The following GPC6 variants were observed in gnomAD, a reference collection of about 807,000 sequenced individuals.
The protein encoded by GPC6 is glypican-6.
GPC6 carries 14 observed loss-of-function variants against 55.2 expected under a neutral mutation model. The ratio of observed to expected loss-of-function variants is 0.25; its 90% CI spans 0.17 to 0.40. The LOEUF is 0.40. Among genes scored for constraint, GPC6 ranks in the 10% least tolerant of loss-of-function variants. GPC6 has a pLI of 1.00. For synonymous variants in GPC6, 278 were observed against 259.6 expected (o/e 1.07, Z -0.68); for missense variants, 641 against 708.5 (o/e 0.90, Z 1.08).
At chr13:94,392,414 AATTTTTTTTTTT>A (rs1880687582) in intron 7 of GPC6, among the ~76,000 whole-genome samples, 1 of 108,136 alleles carries the variant, frequency 9.2e-6, no homozygotes, top group African/African-American at 3.4e-5. Flanking sequence ...TTCTATTTTT[AATTTTTTTTTTT>A]TTTTTTTTTT....
intron 3 of GPC6, among the ~76,000 whole-genome samples, chr13:93,833,511 G>C (rs995154703): frequency 6.6e-6 from 1 of 152,036 alleles, no homozygotes; most frequent in Non-Finnish European, 1.5e-5. Context: ...AAAACTCAAA[G>C]CAAAATTCCC....
At chr13:93,967,234 G>T (rs1223311699) in intron 3 of GPC6, among the ~76,000 whole-genome samples, 1 of 152,168 alleles carries the variant, frequency 6.6e-6, no homozygotes, top group African/African-American at 2.4e-5. Context: ...TGTAAAGTGT[G>T]ACATTTTCAG....
At chr13:93,270,355 TTA>T (rs1877476678) in intron 1 of GPC6, among the ~76,000 whole-genome samples, 1 of 152,018 alleles carries the variant, frequency 6.6e-6, no homozygotes, top group Non-Finnish European at 1.5e-5. Flanking sequence ...ATATATGAGT[TTA>T]TGTCTATATA....
At chr13:94,126,983 T>A (rs1402673450) in intron 4 of GPC6, among the ~76,000 whole-genome samples, 5 of 152,260 alleles carry the variant, frequency 3.3e-5, no homozygotes, top group African/African-American at 1.2e-4. Context: ...TTTGATTTTT[T>A]TAAATCCTAA....
intron 6 of GPC6, among the ~76,000 whole-genome samples, chr13:94,379,777 T>A (rs1880073863): frequency 6.6e-6 from 1 of 152,176 alleles, no homozygotes; most frequent in South Asian, 2.1e-4. Context: ...CAAATAGGAC[T>A]ATTAGTCACT....
At chr13:93,820,248 A>G (rs1428404373) in intron 2 of GPC6, among the ~76,000 whole-genome samples, 3 of 152,140 alleles carry the variant, frequency 2.0e-5, no homozygotes, top group African/African-American at 4.8e-5. Flanking sequence ...AATTGTCCTG[A>G]ATAATGCATT....
rs201062718 is a variant in GPC6 at position 93,553,528 on chromosome 13, T to TA, written c.319+8115dup. On this transcript the variant is annotated intron_variant, in intron 2 of 8. Transcript: ENST00000377047. ...CCGCATGGTGAAACCCCGTCTCTAC[T>TA]AAAAAAAATACAAAAAATTAGCTGG... Among the ~76,000 whole-genome samples the TA allele has an allele frequency of 1.5e-3, 229 of 150,506 alleles. 1 individual carries two copies. Among genetic ancestry groups the TA allele is most frequent in the African/African-American group, 5.4e-3 (221 of 40,988 alleles).
rs1204797089 is a variant in GPC6 at position 94,359,520 on chromosome 13, A to G, written c.1153-22894A>G. On this transcript the variant is annotated intron_variant, in intron 6 of 8. Coordinates refer to ENST00000377047, the MANE Select transcript of GPC6 (RefSeq NM_005708.5). ...CAGTGTAACCTCACATGCCAGCATGATCATTATACTATGACTTTCCAGTGC... is the reference window on the plus strand; with the variant it reads ...CAGTGTAACCTCACATGCCAGCATGGTCATTATACTATGACTTTCCAGTGC... 2.6e-5 allele frequency among the ~76,000 whole-genome samples: 4 copies of G among 152,340 alleles called. No individual in the cohort carries two copies. In the East Asian group the frequency reaches 7.7e-4, roughly 29 times the overall value.
rs1367685571 is a variant in GPC6 at position 94,247,328 on chromosome 13, T to C, written c.878-39021T>C. ...TTTACTTATTCCTTCCTGATTTAGA[T>C]ACCTTTCATTTCTTTTCTCTTGCCT... On this transcript the variant is annotated intron_variant, in intron 4 of 8. Transcript: ENST00000377047. Among the ~76,000 whole-genome samples the C allele has an allele frequency of 2.0e-5, 3 of 152,162 alleles. No individual in the cohort carries two copies. In the East Asian group the frequency reaches 5.8e-4, roughly 29 times the overall value.
intron 2 of GPC6, among the ~76,000 whole-genome samples, chr13:93,566,913 C>T (rs1422360649): frequency 6.6e-6 from 1 of 152,112 alleles, no homozygotes; most frequent in Non-Finnish European, 1.5e-5. Context: ...TTTACGGCTG[C>T]ATAGTATTCC....
chr13:94,391,645 A>T lies in GPC6; in HGVS notation c.1290-6821A>T, dbSNP rs146089938. On this transcript the variant is annotated intron_variant, in intron 7 of 8. Coordinates refer to ENST00000377047, the MANE Select transcript of GPC6 (RefSeq NM_005708.5). ...CTTGAATTTTTAACATTGTGGTGAA[A>T]TATACCAAACATAAAAACATGTACC... Among the ~76,000 whole-genome samples, 490 of 152,348 alleles carry T rather than the reference A, an allele frequency of 3.2e-3. 5 individuals carry two copies. The highest frequency in any genetic ancestry group is 0.011 in the African/African-American group (462 of 41,570).
At chr13:93,293,801 T>G (rs188467577) in intron 1 of GPC6, among the ~76,000 whole-genome samples, 1 of 152,354 alleles carries the variant, frequency 6.6e-6, no homozygotes, top group East Asian at 1.9e-4. Flanking sequence ...TGGTGATGTA[T>G]TCATTCATGA....
chr13:94,383,069 C>T (rs771797245), intron 7 of GPC6, among the ~76,000 whole-genome samples: 14 of 152,124 alleles, frequency 9.2e-5, no homozygotes, highest in African/African-American at 2.9e-4. Context: ...GAAGTCCCAT[C>T]GGAACCTCCT....
At chr13:94,253,925 C>G (rs2139041204) in intron 4 of GPC6, among the ~76,000 whole-genome samples, 1 of 152,206 alleles carries the variant, frequency 6.6e-6, no homozygotes. Context: ...CATTAATTTG[C>G]ACATTAGTCT....
chr13:93,789,610 T>TACTACATATATATATAATACTAC (rs1178827836), intron 2 of GPC6, among the ~76,000 whole-genome samples: 7,211 of 27,526 alleles, frequency 0.26, 725 homozygotes, highest in South Asian at 0.35. Context: ...TATATATATA[T>TACTACATATATATATAATACTAC]ATATATATAT....
At chr13:94,291,034 C>G (rs1594137621) in intron 5 of GPC6, among the ~76,000 whole-genome samples, 1 of 151,886 alleles carries the variant, frequency 6.6e-6, no homozygotes, top group South Asian at 2.1e-4. Flanking sequence ...TCTACTAAAA[C>G]TACAAAAATT....
chr13:93,708,031 A>G (rs1390075097), intron 2 of GPC6, among the ~76,000 whole-genome samples: 1 of 151,844 alleles, frequency 6.6e-6, no homozygotes, highest in Non-Finnish European at 1.5e-5. Context: ...TCTCAATATC[A>G]TACAGAAATA....
At chr13:94,393,138 A>C (rs1302176217) in intron 7 of GPC6, among the ~76,000 whole-genome samples, 1 of 152,208 alleles carries the variant, frequency 6.6e-6, no homozygotes, top group Non-Finnish European at 1.5e-5. Flanking sequence ...ATAGGCTTGT[A>C]GTCCCTTATT....
intron 1 of GPC6, among the ~76,000 whole-genome samples, chr13:93,425,747 G>T (rs555154932): frequency 6.6e-5 from 10 of 152,058 alleles, no homozygotes; most frequent in Non-Finnish European, 1.2e-4. Context: ...ATTTCCTATG[G>T]CATAAATTCC....
Sources: gnomAD v4.1 joint callset for allele counts (sites outside exome capture counted in the v4.1 genomes callset) on GRCh38, gnomAD v4.1.1 for gene constraint, MANE v1.5 for transcripts, NCBI Gene and HGNC (gene_info 2026-07-23, HGNC 2026-07-21) for gene names.